Variants in RELN observed in about 807,000 individuals in gnomAD.
RELN encodes reelin.
RELN carries 108 observed loss-of-function variants against 427.6 expected under a neutral mutation model. The ratio of observed to expected loss-of-function variants is 0.25; its 90% CI spans 0.22 to 0.30. The LOEUF is 0.30. Ranked by LOEUF, RELN falls within the 10% of genes least tolerant of loss-of-function variation. The pLI is 1.00. For synonymous variants in RELN, 1,524 were observed against 1,513.4 expected (o/e 1.01, Z -0.16); for missense variants, 3,715 against 4,302.8 (o/e 0.86, Z 3.82).
intron 60 of RELN, among the ~76,000 whole-genome samples, chr7:103,487,419 T>A (rs1342823314): frequency 1.3e-4 from 10 of 75,928 alleles, no homozygotes; most frequent in East Asian, 4.1e-4. Context: ...AAAAGAGAAA[T>A]ATAACAAAAT....
At chr7:103,790,052 G>T (rs1054292681) in intron 3 of RELN, among the ~76,000 whole-genome samples, 2 of 152,176 alleles carry the variant, frequency 1.3e-5, no homozygotes, top group African/African-American at 2.4e-5. Context: ...GATGAAGCTG[G>T]AAACCATCAT....
At chr7:103,698,497 G>A (rs1462348613) in intron 9 of RELN, among the ~76,000 whole-genome samples, 2 of 151,990 alleles carry the variant, frequency 1.3e-5, no homozygotes, top group Non-Finnish European at 2.9e-5. Context: ...CCAATAATAA[G>A]GATAAAAAAT....
rs184800276 is a variant in RELN at position 103,478,687 on chromosome 7, T to A, written c.10281-293A>T. Among the ~76,000 whole-genome samples, 611 of 152,324 alleles carry A rather than the reference T, an allele frequency of 4.0e-3. 3 individuals carry two copies. Among genetic ancestry groups the A allele is most frequent in the African/African-American group, 0.014 (572 of 41,588 alleles). On this transcript the variant is annotated intron_variant, in intron 63 of 64. Transcript: ENST00000428762. ...TGGCATAAATGTTGCATATAAATTA[T>A]AAATATTAATAGCTTAATAACTACT...
chr7:103,503,301 C>A (rs144218164), intron 51 of RELN, 71 bp from the exon 52 acceptor site: 1 of 1,353,958 alleles, frequency 7.4e-7, no homozygotes, highest in East Asian at 2.3e-5. Flanking sequence ...GACTTGGCAG[C>A]AAAAAAGCTG....
chr7:103,717,491 A>T (rs201198505), intron 8 of RELN, among the ~76,000 whole-genome samples: 35,091 of 150,584 alleles, frequency 0.23, 4,248 homozygotes, highest in South Asian at 0.36. Context: ...AAAAAAAAAA[A>T]TTTGTTTTAA....
intron 1 of RELN, among the ~76,000 whole-genome samples, chr7:103,971,262 C>T (rs1172779091): frequency 6.6e-6 from 1 of 151,706 alleles, no homozygotes; most frequent in Non-Finnish European, 1.5e-5. Context: ...ATGCTCATTC[C>T]ATATAAACGA....
chr7:103,748,250 T>G (rs1206819941), intron 6 of RELN, among the ~76,000 whole-genome samples: 4 of 151,996 alleles, frequency 2.6e-5, no homozygotes, highest in Non-Finnish European at 5.9e-5. Context: ...AAATGGCATA[T>G]AAAGTATAAG....
chr7:103,798,037 T>G (rs1307830869), intron 3 of RELN, among the ~76,000 whole-genome samples: 3 of 152,200 alleles, frequency 2.0e-5, no homozygotes, highest in African/African-American at 7.2e-5. Context: ...TCAGCCATCA[T>G]TTTGCTTCTT....
chr7:103,523,629 C>T (rs921848324), intron 46 of RELN, 98 bp from the exon 47 acceptor site: 28 of 1,119,538 alleles, frequency 2.5e-5, no homozygotes, highest in Non-Finnish European at 3.5e-5. Context: ...AACACAAAAG[C>T]ATGTACATTC....
At chr7:103,980,452 T>C (rs1796967836) in intron 1 of RELN, among the ~76,000 whole-genome samples, 1 of 152,166 alleles carries the variant, frequency 6.6e-6, no homozygotes, top group African/African-American at 2.4e-5. Flanking sequence ...TAAAATTAGC[T>C]TTTACTTTTC....
intron 1 of RELN, among the ~76,000 whole-genome samples, chr7:103,936,700 G>T (rs148119127): frequency 2.0e-5 from 3 of 147,650 alleles, no homozygotes; most frequent in African/African-American, 7.6e-5. Flanking sequence ...TCTTTTACTG[G>T]GAAATTCCTA....
intron 1 of RELN, among the ~76,000 whole-genome samples, chr7:103,947,247 C>T (rs1796239524): frequency 6.6e-6 from 1 of 152,172 alleles, no homozygotes; most frequent in African/African-American, 2.4e-5. Context: ...GCACCAGATA[C>T]AAAACAGTGG....
intron 13 of RELN, 52 bp downstream of exon 13, chr7:103,654,041 T>C: frequency 9.9e-7 from 1 of 1,009,834 alleles, no homozygotes; most frequent in Admixed American, 1.7e-5. Flanking sequence ...GACTTGGGCT[T>C]GTCCAGGGTG....
Position 103,651,688 on chromosome 7 carries a change from G to C in RELN, c.1865C>G (p.Thr622Ser). ...ACTGTAGTTTTCAGAGGAGTAGACAGTGCTGTGGGGGAGGTGGGGTCCAGC... is the reference window on the plus strand; with the variant it reads ...ACTGTAGTTTTCAGAGGAGTAGACACTGCTGTGGGGGAGGTGGGGTCCAGC... ...ICAGPHLPHSTVYSSENYSGW... is the reference protein window; with the variant it reads ...ICAGPHLPHSSVYSSENYSGW... Residue 622 changes from threonine to serine, a missense_variant, in exon 15 of 65, where the codon ACT becomes AGT. Physicochemically the swap from Thr to Ser is moderately conservative, Grantham distance 58. This residue lies in a region of RELN where 2,208 missense variants were observed against 2,361.7 expected (regional missense o/e 0.93). Coordinates refer to ENST00000428762, the MANE Select transcript of RELN (RefSeq NM_005045.4). The C allele has an allele frequency of 6.2e-7, 1 of 1,612,000 alleles. No homozygotes were observed. Among genetic ancestry groups the C allele is most frequent in the Non-Finnish European group, 8.5e-7 (1 of 1,178,622 alleles).
intron 2 of RELN, among the ~76,000 whole-genome samples, chr7:103,913,696 T>C (rs1378677960): frequency 6.6e-6 from 1 of 152,192 alleles, no homozygotes. Context: ...TTAATGTGCT[T>C]TTTTTCAAAA....
chr7:103,944,824 C>T (rs549028824), intron 1 of RELN, among the ~76,000 whole-genome samples: 10 of 152,188 alleles, frequency 6.6e-5, no homozygotes, highest in East Asian at 3.9e-4. Flanking sequence ...ACACTGGCTA[C>T]GCTTTGGGTG....
chr7:103,739,789 G>A (rs532226410), intron 6 of RELN, among the ~76,000 whole-genome samples: 2 of 152,210 alleles, frequency 1.3e-5, no homozygotes, highest in Non-Finnish European at 2.9e-5. Context: ...AGGAGGCAAA[G>A]AGTAGAAGGA....
chr7:103,698,213 A>G, intron 9 of RELN, 120 bp from the exon 10 acceptor site: 1 of 1,211,748 alleles, frequency 8.3e-7, no homozygotes, highest in South Asian at 1.2e-5. Flanking sequence ...ATTACAGATA[A>G]AATAGCTACA....
chr7:103,493,948 AAG>A (rs1341565319), intron 57 of RELN, among the ~76,000 whole-genome samples: 1 of 152,166 alleles, frequency 6.6e-6, no homozygotes, highest in Non-Finnish European at 1.5e-5. Flanking sequence ...TGGTTATAGA[AAG>A]AGAGACCCAG....
Sources: gnomAD v4.1 joint callset for allele counts (sites outside exome capture counted in the v4.1 genomes callset) on GRCh38, gnomAD v4.1.1 for gene constraint, gnomAD v4.1.1 regional missense constraint, MANE v1.5 for transcripts, NCBI Gene and HGNC (gene_info 2026-07-23, HGNC 2026-07-21) for gene names.